GINS1: variants seen among roughly 807,000 people sequenced by gnomAD.
GINS1 encodes GINS complex subunit 1.
A neutral mutation model predicts 34.9 loss-of-function variants in GINS1; 26 were observed. That is an observed-to-expected ratio of 0.74 (90% CI 0.55 to 1.03). The LOEUF is 1.03. Ranked by LOEUF, GINS1 falls within the 50% of genes least tolerant of loss-of-function variation. GINS1 has a pLI of 0.00. For missense variants in GINS1, 235 were observed against 237.9 expected (o/e 0.99, Z 0.08); for synonymous variants, 97 against 84.4 (o/e 1.15, Z -0.82).
intron 2 of GINS1, 73 bp downstream of exon 2, chr20:25,413,927 C>T (rs1340609830): frequency 1.4e-5 from 12 of 870,372 alleles, no homozygotes; most frequent in East Asian, 2.5e-5. Flanking sequence ...CGCGGTGGCT[C>T]ACGCCTGTAA....
At chr20:25,422,435 A>C (rs2090361318) in intron 4 of GINS1, among the ~76,000 whole-genome samples, 1 of 152,008 alleles carries the variant, frequency 6.6e-6, no homozygotes, top group African/African-American at 2.4e-5. Context: ...AAAAAACAAA[A>C]AAAAACTTAG....
rs1026632802 is a variant in GINS1 at position 25,446,593 on chromosome 20, T to C, written c.*602T>C. The C allele has an allele frequency of 1.3e-5, 2 of 152,264 alleles. No homozygotes were observed. The highest frequency in any genetic ancestry group is 4.8e-5 in the African/African-American group (2 of 41,466). 9.4% of individuals were successfully genotyped at this position (152,264 alleles called of 1,614,324 possible). A position where few individuals can be genotyped will look rare whatever the true frequency, so the allele number is the denominator to read the frequency against. The stretch of plus-strand genomic sequence containing the variant: ...GATGATGGTCTGTAGAAATTTTCAG[T>C]ATATATAATGTTTAATGACATACTA... On this transcript the variant is annotated 3_prime_UTR_variant, in exon 7 of 7. Transcript: ENST00000262460.
intron 4 of GINS1, among the ~76,000 whole-genome samples, chr20:25,421,422 A>G (rs2090354741): frequency 6.6e-6 from 1 of 152,250 alleles, no homozygotes; most frequent in African/African-American, 2.4e-5. Context: ...AAAGAATATG[A>G]AAGCACACTG....
chr20:25,440,715 G>A (rs2090477125), intron 5 of GINS1, among the ~76,000 whole-genome samples: 1 of 150,968 alleles, frequency 6.6e-6, no homozygotes, highest in African/African-American at 2.4e-5. Context: ...GGAGGCTGAG[G>A]CAGGAGAACC....
intron 4 of GINS1, among the ~76,000 whole-genome samples, chr20:25,418,519 C>G (rs1181343509): frequency 6.6e-6 from 1 of 152,158 alleles, no homozygotes; most frequent in Non-Finnish European, 1.5e-5. Flanking sequence ...CTTTCCTAAT[C>G]AAAATTCATA....
In GINS1 at chr20:25,441,719, CTA is replaced by C. The variant is rs2090482926; in HGVS notation, c.467_468del (p.Tyr156TrpfsTer4). 4.5e-6 allele frequency: 7 copies of C among 1,561,784 alleles called. No homozygotes were observed. The highest frequency in any genetic ancestry group is 3.5e-5 in the South Asian group (3 of 86,482). On this transcript the variant is annotated frameshift_variant, in exon 6 of 7. Transcript: ENST00000262460. LOFTEE classifies it high-confidence loss of function. ...TCTTTCAGGTCCGGTGTCTAAAAGA[CTA>C]TGGAGAATTTGAAGTTGATGATGGC... ...LYIEVRCLKDYGEFEVDDGTS... is the reference protein window; with the variant it reads ...LYIEVRCLKDXGEFEVDDGTS...
intron 5 of GINS1, 23 bp downstream of exon 5, chr20:25,425,350 C>A: frequency 1.0e-6 from 1 of 954,160 alleles, no homozygotes; most frequent in Non-Finnish European, 1.7e-6. Flanking sequence ...TTTTAAAATG[C>A]ATTTTTCTTT....
chr20:25,413,769 A>G (rs372172646), intron 1 of GINS1, 21 bp from the exon 2 acceptor site: 65 of 1,442,928 alleles, frequency 4.5e-5, no homozygotes, highest in Admixed American at 2.8e-4. Context: ...GTGGATTTCA[A>G]TATCGGTTTA....
chr20:25,408,041 G>A (rs541050206), intron 1 of GINS1, 146 bp downstream of exon 1: 3 of 657,656 alleles, frequency 4.6e-6, no homozygotes, highest in East Asian at 2.8e-5. Context: ...AAATTCAGGA[G>A]GAAAGAGAAA....
At chr20:25,445,877 C>T in intron 6 of GINS1, 46 bp from the exon 7 acceptor site, 1 of 1,129,868 alleles carries the variant, frequency 8.9e-7, no homozygotes, top group Non-Finnish European at 1.3e-6. Flanking sequence ...AAATTCTTTC[C>T]CAATCATTTA....
Position 25,407,826 on chromosome 20 carries a change from C to T in GINS1, c.6C>T (p.Phe2=). ...GGGAGTGGGAAGCGTCCGCCATGTTCTGCGAAAAAGCCATGGAACTGATCC... is the reference window on the plus strand; with the variant it reads ...GGGAGTGGGAAGCGTCCGCCATGTTTTGCGAAAAAGCCATGGAACTGATCC... M[F]CEKAMELIRE... Residue 2 remains phenylalanine (F), a synonymous_variant, in exon 1 of 7, where the codon TTC becomes TTT. Transcript: ENST00000262460. The T allele has an allele frequency of 1.2e-6, 2 of 1,613,822 alleles. No individual in the cohort carries two copies. The highest frequency in any genetic ancestry group is 1.7e-6 in the Non-Finnish European group (2 of 1,179,782).
chr20:25,436,058 G>A (rs999123003), intron 5 of GINS1, among the ~76,000 whole-genome samples: 1 of 149,262 alleles, frequency 6.7e-6, no homozygotes, highest in Non-Finnish European at 1.5e-5. Flanking sequence ...TCCTGACCTT[G>A]TGATCTCACC....
intron 2 of GINS1, among the ~76,000 whole-genome samples, chr20:25,416,344 G>C (rs941529090): frequency 1.3e-5 from 2 of 152,162 alleles, no homozygotes; most frequent in Admixed American, 6.6e-5. Flanking sequence ...AGTTTCATCA[G>C]ACTTTCATAG....
At chr20:25,425,573 A>G (rs2090386197) in intron 5 of GINS1, among the ~76,000 whole-genome samples, 1 of 152,230 alleles carries the variant, frequency 6.6e-6, no homozygotes, top group Non-Finnish European at 1.5e-5. Flanking sequence ...ACTAAAACAA[A>G]GTTAAATCAA....
chr20:25,436,494 G>C (rs143051913), intron 5 of GINS1, among the ~76,000 whole-genome samples: 1 of 151,608 alleles, frequency 6.6e-6, no homozygotes, highest in South Asian at 2.1e-4. Context: ...CCTTTTCTTC[G>C]GTCTTTTTTT....
chr20:25,435,243 G>T (rs575019480), intron 5 of GINS1, among the ~76,000 whole-genome samples: 3 of 152,240 alleles, frequency 2.0e-5, no homozygotes, highest in East Asian at 3.9e-4. Flanking sequence ...AAGAAATTTG[G>T]TGAAAATCTT....
chr20:25,423,452 C>CTTTTTTTTTTTTTTT lies in GINS1; in HGVS notation c.331-1739_331-1725dup, dbSNP rs1159340467. Among the ~76,000 whole-genome samples, 19 of 29,990 alleles carry CTTTTTTTTTTTTTTT rather than the reference C, an allele frequency of 6.3e-4. 5 individuals carry two copies. Among genetic ancestry groups the CTTTTTTTTTTTTTTT allele is most frequent in the Non-Finnish European group, 1.0e-3 (18 of 17,344 alleles). The allele number at this position is 29,990 out of a possible 152,430, so 19.7% of individuals were successfully genotyped here. On this transcript the variant is annotated intron_variant, in intron 4 of 6. Coordinates refer to ENST00000262460, the MANE Select transcript of GINS1 (RefSeq NM_021067.5). ...AAGGTTATTAAGATATTTTTCTTTTCTTTTTTTTTTTTTTTTTTTTTTTTT... is the reference window on the plus strand; with the variant it reads ...AAGGTTATTAAGATATTTTTCTTTTCTTTTTTTTTTTTTTTTTTTTTTTTTTTTTTTTTTTTTTTT...
intron 5 of GINS1, among the ~76,000 whole-genome samples, chr20:25,428,401 T>C (rs1014123811): frequency 1.6e-5 from 2 of 126,710 alleles, no homozygotes; most frequent in Non-Finnish European, 3.3e-5. Flanking sequence ...TAATTTCTTT[T>C]TTTTTTTTTT....
At chr20:25,432,498 G>A (rs1338106438) in intron 5 of GINS1, among the ~76,000 whole-genome samples, 3 of 151,496 alleles carry the variant, frequency 2.0e-5, no homozygotes, top group African/African-American at 7.3e-5. Flanking sequence ...ACAGAGTCTT[G>A]CTCTGTTGTC....
Sources: allele counts gnomAD v4.1 joint callset (sites outside exome capture counted in the v4.1 genomes callset), GRCh38; gene constraint gnomAD v4.1.1; transcripts MANE v1.5; gene names NCBI Gene and HGNC (gene_info 2026-07-23, HGNC 2026-07-21).